Variants in GPC5 observed in about 807,000 individuals in gnomAD.
GPC5 encodes the protein glypican 5.
Under a neutral mutation model 53.9 loss-of-function variants are expected in GPC5, and 47 were observed. That is an observed-to-expected ratio of 0.87 (90% CI 0.69 to 1.11). The LOEUF is 1.11. Among genes scored for constraint, GPC5 ranks in the 50% most tolerant of loss-of-function variants. GPC5 has a pLI of 0.00. For synonymous variants in GPC5, 286 were observed against 263.3 expected (o/e 1.09, Z -0.84); for missense variants, 748 against 713.1 (o/e 1.05, Z -0.56).
At chr13:91,672,530 A>T (rs1284909016) in intron 2 of GPC5, among the ~76,000 whole-genome samples, 1 of 152,208 alleles carries the variant, frequency 6.6e-6, no homozygotes, top group East Asian at 1.9e-4. Flanking sequence ...CAAAACCACA[A>T]TGACATACTA....
intron 6 of GPC5, among the ~76,000 whole-genome samples, chr13:92,024,221 C>A (rs1390048485): frequency 6.6e-6 from 1 of 152,054 alleles, no homozygotes; most frequent in East Asian, 1.9e-4. Context: ...ACTCATATTA[C>A]CCCCTAGACA....
At chr13:91,606,542 CCTT>C (rs1221450759) in intron 2 of GPC5, among the ~76,000 whole-genome samples, 5 of 149,042 alleles carry the variant, frequency 3.4e-5, no homozygotes, top group African/African-American at 1.2e-4. Context: ...ACCAGTTCCT[CCTT>C]GTACCTCTGG....
At chr13:92,385,774 TAC>T (rs1566568260) in intron 7 of GPC5, among the ~76,000 whole-genome samples, 1 of 82,956 alleles carries the variant, frequency 1.2e-5, no homozygotes, top group Non-Finnish European at 2.4e-5. Context: ...TACGTATATA[TAC>T]ATATATGTAT....
intron 7 of GPC5, among the ~76,000 whole-genome samples, chr13:92,248,639 A>T (rs1391213285): frequency 6.6e-6 from 1 of 152,146 alleles, no homozygotes; most frequent in Admixed American, 6.6e-5. Flanking sequence ...TCAAACAATT[A>T]TTATTTCTCC....
At chr13:92,717,797 C>G (rs1888380812) in intron 7 of GPC5, among the ~76,000 whole-genome samples, 1 of 152,122 alleles carries the variant, frequency 6.6e-6, no homozygotes, top group South Asian at 2.1e-4. Flanking sequence ...AATGTGATTT[C>G]ATTTATTGAA....
chr13:91,730,635 A>G (rs1163048777), intron 4 of GPC5, among the ~76,000 whole-genome samples: 2 of 152,220 alleles, frequency 1.3e-5, no homozygotes, highest in South Asian at 2.1e-4. Flanking sequence ...ATAGCACTGA[A>G]TAAGTAAACA....
intron 7 of GPC5, among the ~76,000 whole-genome samples, chr13:92,582,703 G>A (rs758025111): frequency 1.9e-4 from 29 of 151,684 alleles, no homozygotes; most frequent in Non-Finnish European, 4.0e-4. Context: ...TTCAGTGTGC[G>A]GATCTTTCAT....
At chr13:92,314,564 C>A (rs1405845723) in intron 7 of GPC5, among the ~76,000 whole-genome samples, 2 of 152,132 alleles carry the variant, frequency 1.3e-5, no homozygotes, top group East Asian at 3.9e-4. Flanking sequence ...TGTAGCATCG[C>A]TGGGGCAGCA....
At chr13:91,986,215 A>G (rs2040406681) in intron 6 of GPC5, among the ~76,000 whole-genome samples, 1 of 151,364 alleles carries the variant, frequency 6.6e-6, no homozygotes. Flanking sequence ...ACAGGCACCC[A>G]CCACCATGCC....
intron 7 of GPC5, among the ~76,000 whole-genome samples, chr13:92,607,190 G>A (rs1381364089): frequency 6.6e-6 from 1 of 152,014 alleles, no homozygotes; most frequent in Non-Finnish European, 1.5e-5. Context: ...AAGAGAAATT[G>A]GGCAACTTTT....
intron 6 of GPC5, among the ~76,000 whole-genome samples, chr13:92,116,492 C>G (rs1223961472): frequency 6.6e-6 from 1 of 152,116 alleles, no homozygotes; most frequent in Non-Finnish European, 1.5e-5. Flanking sequence ...ACTAATATAC[C>G]GTGTTTGTTT....
chr13:91,871,236 C>A (rs1425179235), intron 5 of GPC5, among the ~76,000 whole-genome samples: 2 of 152,110 alleles, frequency 1.3e-5, no homozygotes, highest in Non-Finnish European at 2.9e-5. Context: ...TTACCTATCC[C>A]TAGCAAACTC....
intron 7 of GPC5, among the ~76,000 whole-genome samples, chr13:92,550,945 C>T (rs915181138): frequency 1.3e-5 from 2 of 151,774 alleles, no homozygotes; most frequent in African/African-American, 4.8e-5. Flanking sequence ...GGATTAATAT[C>T]CCTACCGATG....
chr13:92,279,396 A>G (rs1227758650), intron 7 of GPC5, among the ~76,000 whole-genome samples: 1 of 152,064 alleles, frequency 6.6e-6, no homozygotes, highest in Non-Finnish European at 1.5e-5. Context: ...TGGATTTGTT[A>G]AATATTGTTT....
intron 6 of GPC5, among the ~76,000 whole-genome samples, chr13:92,136,694 C>G (rs542941385): frequency 6.6e-6 from 1 of 151,688 alleles, no homozygotes; most frequent in African/African-American, 2.4e-5. Context: ...TTCATCTGCT[C>G]TCATGTTTGG....
intron 7 of GPC5, among the ~76,000 whole-genome samples, chr13:92,533,254 T>G (rs1881621018): frequency 6.6e-6 from 1 of 152,158 alleles, no homozygotes; most frequent in African/African-American, 2.4e-5. Context: ...CACTTTTATT[T>G]TACTTCACTG....
At chr13:92,046,376 G>A (rs904482071) in intron 6 of GPC5, among the ~76,000 whole-genome samples, 3 of 152,092 alleles carry the variant, frequency 2.0e-5, no homozygotes, top group African/African-American at 7.2e-5. Context: ...TCCATCCAAA[G>A]TCCTTACACT....
At chr13:92,184,717 A>G (rs1393022672) in intron 7 of GPC5, among the ~76,000 whole-genome samples, 1 of 152,212 alleles carries the variant, frequency 6.6e-6, no homozygotes, top group Non-Finnish European at 1.5e-5. Context: ...GTGTGTAATG[A>G]GAGAAAGTTT....
chr13:92,091,604 A>G (rs994936784), intron 6 of GPC5, among the ~76,000 whole-genome samples: 3 of 152,186 alleles, frequency 2.0e-5, no homozygotes, highest in African/African-American at 7.2e-5. Flanking sequence ...GTAGAGTAAC[A>G]TAGTACAAAC....
Sources: allele counts gnomAD v4.1 joint callset (sites outside exome capture counted in the v4.1 genomes callset), GRCh38; gene constraint gnomAD v4.1.1; transcripts MANE v1.5; gene names NCBI Gene and HGNC (gene_info 2026-07-23, HGNC 2026-07-21).